The following KIAA1614 variants were observed in gnomAD, a reference collection of about 807,000 sequenced individuals.
KIAA1614 encodes uncharacterized protein KIAA1614.
Under a neutral mutation model 88.7 loss-of-function variants are expected in KIAA1614, and 76 were observed. That is an observed-to-expected ratio of 0.86 (90% CI 0.71 to 1.04). The LOEUF is 1.04. Ranked by LOEUF, KIAA1614 falls within the 50% of genes least tolerant of loss-of-function variation. The probability of loss-of-function intolerance (pLI) is 0.00; values close to 1 mark genes in which losing one functional copy is unlikely to be tolerated. For synonymous variants in KIAA1614, 714 were observed against 675.5 expected, an observed-to-expected ratio of 1.06 and a Z score of -0.88; for missense variants, 1,553 against 1,582.5, an observed-to-expected ratio of 0.98 and a Z score of 0.32.
At chr1:180,927,776 G>T (rs55640700) in intron 3 of KIAA1614, among the ~76,000 whole-genome samples, 14,007 of 152,210 alleles carry the variant, frequency 0.092, 669 homozygotes, top group East Asian at 0.12. Context: ...ACCACTTGCT[G>T]GCTTGGTTTG....
chr1:180,932,821 C>T (rs1654228594), intron 4 of KIAA1614, among the ~76,000 whole-genome samples: 1 of 152,012 alleles, frequency 6.6e-6, no homozygotes. Context: ...CTCACCACAA[C>T]CTCTGCCTCC....
rs201792192 is a variant in KIAA1614 at position 180,936,482 on chromosome 1, C to T, written c.2573C>T (p.Pro858Leu). Residue 858 changes from proline to leucine, a missense_variant, in exon 5 of 9, where the codon CCC becomes CTC. Physicochemically the swap from Pro to Leu is moderately conservative, Grantham distance 98 (BLOSUM62 -3). Coordinates refer to ENST00000367588, the MANE Select transcript of KIAA1614 (RefSeq NM_020950.2). Reference sequence around the variant, plus strand: ...GCGGTTCTCAGGACCTGTGAGCTGCCCCCATCACAGACCCAGCCCAGCCGC... The same window carrying T: ...GCGGTTCTCAGGACCTGTGAGCTGCTCCCATCACAGACCCAGCCCAGCCGC... ...RSAVLRTCEL[P>L]PSQTQPSRPQ... 201 of 1,613,740 alleles carry T rather than the reference C, an allele frequency of 1.2e-4. No individual in the cohort carries two copies. The highest frequency in any genetic ancestry group is 1.6e-4 in the Non-Finnish European group (188 of 1,179,914).
At chr1:180,942,016 G>A (rs984095708) in intron 7 of KIAA1614, among the ~76,000 whole-genome samples, 11 of 151,890 alleles carry the variant, frequency 7.2e-5, no homozygotes, top group South Asian at 4.2e-4. Flanking sequence ...TCAGGGAGCC[G>A]CTCCCAATCC....
At chr1:180,923,033 A>G (rs897099332) in intron 3 of KIAA1614, among the ~76,000 whole-genome samples, 12 of 152,224 alleles carry the variant, frequency 7.9e-5, no homozygotes, top group Non-Finnish European at 8.8e-5. Context: ...CCCATTTCTT[A>G]TGAAGAATGT....
Position 180,935,218 on chromosome 1 carries a change from G to A in KIAA1614, c.1309G>A (p.Gly437Ser), listed in dbSNP as rs1248282298. ...CGATTCCTCCAGCGGAGAGTCCAGC[G>A]GTGGGCACAGGCCGAGGCGGGGCCC... is the stretch of plus-strand genomic sequence containing the variant. ...TSDSSSGESSGGHRPRRGPSP... is the reference protein window; with the variant it reads ...TSDSSSGESSSGHRPRRGPSP... The change falls in exon 5 of 9, where the codon GGT (glycine) becomes AGT (serine). Residue 437 changes from glycine (G) to serine (S), a missense_variant. Transcript: ENST00000367588. The surrounding 1 kb of genome is among the most constrained non-coding windows in gnomAD (Gnocchi z 6.1). The A allele has an allele frequency of 6.5e-7, 1 of 1,533,340 alleles. No individual in the cohort carries two copies. The highest frequency in any genetic ancestry group is 1.3e-5 in the South Asian group (1 of 79,906). 95.0% of individuals were successfully genotyped at this position (1,533,340 alleles called of 1,614,324 possible).
At chr1:180,941,006 G>GCCCCCCCC in intron 6 of KIAA1614, 39 bp from the exon 7 acceptor site, 1 of 908,444 alleles carries the variant, frequency 1.1e-6, no homozygotes. Context: ...CACCCTCCCG[G>GCCCCCCCC]CCCTCCCCCG....
At position 180,913,308 on chromosome 1, in the gene KIAA1614, G is replaced by A. The variant is rs990900507; in HGVS notation, c.50+15G>A. 21 of 1,243,430 alleles carry A rather than the reference G, an allele frequency of 1.7e-5. No individual in the cohort carries two copies. The highest frequency in any genetic ancestry group is 8.1e-6 in the Non-Finnish European group (8 of 987,282). The allele number at this position is 1,243,430 out of a possible 1,614,324, so 77.0% of individuals were successfully genotyped here. Reference sequence around the variant, plus strand: ...GGCAGCCCCCAGTGAGTATAGAGGAGGCAGCGCCGGGCCGGCCGGGCGGGG... The same window carrying A: ...GGCAGCCCCCAGTGAGTATAGAGGAAGCAGCGCCGGGCCGGCCGGGCGGGG... On this transcript the variant is annotated intron_variant, in intron 1 of 8. Coordinates refer to ENST00000367588, the MANE Select transcript of KIAA1614 (RefSeq NM_020950.2).
Position 180,935,793 on chromosome 1 carries a change from G to A in KIAA1614, c.1884G>A (p.Ala628=). ...ACTGCAGGACCGACAGTGAGGAGGC[G>A]GGGACCTCTCAGGCTGGCTGGGCGT... ...SDNCRTDSEE[A]GTSQAGWACG... Residue 628 remains alanine (A), a synonymous_variant, in exon 5 of 9, where the codon GCG becomes GCA. Transcript: ENST00000367588. The surrounding 1 kb of genome is among the most constrained non-coding windows in gnomAD (Gnocchi z 6.1). The A allele has an allele frequency of 6.2e-7, 1 of 1,613,838 alleles. No homozygotes were observed. The highest frequency in any genetic ancestry group is 1.3e-5 in the African/African-American group (1 of 75,052).
At chr1:180,915,166 C>G (rs190889532) in intron 1 of KIAA1614, among the ~76,000 whole-genome samples, 22 of 152,332 alleles carry the variant, frequency 1.4e-4, no homozygotes, top group Admixed American at 9.8e-4. Flanking sequence ...CACTTGCAGT[C>G]CCGCCTGGCA....
chr1:180,940,990 C>G, intron 6 of KIAA1614, 55 bp from the exon 7 acceptor site: 1 of 1,417,482 alleles, frequency 7.1e-7, no homozygotes, highest in Admixed American at 2.1e-5. Flanking sequence ...GTACAGTCTC[C>G]CTGGCCACCC....
Position 180,941,220 on chromosome 1 carries a change from T to C in KIAA1614, c.3094T>C (p.Leu1032=). 6.2e-7 allele frequency: 1 copy of C among 1,613,798 alleles called. No individual in the cohort carries two copies. Among genetic ancestry groups the C allele is most frequent in the Non-Finnish European group, 8.5e-7 (1 of 1,179,954 alleles). ...GTCCCGCAGCTACAGTGTGGAGCAG[T>C]TGCAGCCCGCCCCGCCTGGCCTGAC... is the stretch of plus-strand genomic sequence containing the variant. ...GKSRSYSVEQ[L]QPAPPGLTSQ... is the part of the protein sequence containing the mutation. The change falls in exon 7 of 9, where the codon TTG becomes CTG. Residue 1032 remains leucine, a synonymous_variant. Coordinates refer to ENST00000367588, the MANE Select transcript of KIAA1614 (RefSeq NM_020950.2).
intron 3 of KIAA1614, among the ~76,000 whole-genome samples, chr1:180,919,263 C>T (rs1471341511): frequency 6.6e-6 from 1 of 152,192 alleles, no homozygotes; most frequent in Non-Finnish European, 1.5e-5. Context: ...AGGGGGATGT[C>T]TGGCTCCTTC....
At position 180,936,018 on chromosome 1, in the gene KIAA1614, G is replaced by A; in HGVS notation, c.2109G>A (p.Leu703=). 3.1e-6 allele frequency: 5 copies of A among 1,614,046 alleles called. No individual in the cohort carries two copies. Among genetic ancestry groups the A allele is most frequent in the Non-Finnish European group, 4.2e-6 (5 of 1,179,912 alleles). The part of the protein sequence containing the change: ...RGHTPEGTLF[L]REDAKPPDLE... ...ACACGCCTGAAGGAACTCTATTTTT[G>A]AGAGAAGATGCCAAGCCTCCTGACC... is the stretch of plus-strand genomic sequence containing the variant. The change falls in exon 5 of 9, where the codon TTG becomes TTA. Residue 703 remains leucine (L), a synonymous_variant. Transcript: ENST00000367588.
In KIAA1614 at chr1:180,936,385, G is replaced by C; in HGVS notation, c.2476G>C (p.Ala826Pro). The change falls in exon 5 of 9, where the codon GCC becomes CCC. Residue 826 changes from alanine (A) to proline (P), a missense_variant. Ala to Pro is a conservative substitution (Grantham distance 27). Coordinates refer to ENST00000367588, the MANE Select transcript of KIAA1614 (RefSeq NM_020950.2). ...CTCGCCAGTGTCTCACAGGAAGGCAGCCCTGGCTGGACTGCTCAGGCTGGG... is the reference window on the plus strand; with the variant it reads ...CTCGCCAGTGTCTCACAGGAAGGCACCCCTGGCTGGACTGCTCAGGCTGGG... Reference protein sequence around the residue: ...TTSPVSHRKAALAGLLRLGDQ... With the variant: ...TTSPVSHRKAPLAGLLRLGDQ... The C allele has an allele frequency of 6.2e-7, 1 of 1,614,226 alleles. No individual in the cohort carries two copies. Among genetic ancestry groups the C allele is most frequent in the South Asian group, 1.1e-5 (1 of 91,084 alleles).
rs1324349327 is a variant in KIAA1614 at position 180,950,823 on chromosome 1, G to T, written c.*5235G>T. ...CATCTACTTGTACCTTTGTTGGCAG[G>T]GGGAGAAGGGAGATTCAGTGGATCC... is the stretch of plus-strand genomic sequence containing the variant. On this transcript the variant is annotated 3_prime_UTR_variant, in exon 9 of 9. Coordinates refer to ENST00000367588, the MANE Select transcript of KIAA1614 (RefSeq NM_020950.2). 6.6e-6 allele frequency: 1 copy of T among 152,516 alleles called. No homozygotes were observed. The highest frequency in any genetic ancestry group is 1.9e-4 in the East Asian group (1 of 5,198). 9.4% of individuals were successfully genotyped at this position (152,516 alleles called of 1,614,324 possible).
Position 180,916,338 on chromosome 1 carries a change from G to C in KIAA1614, c.235G>C (p.Gly79Arg), listed in dbSNP as rs1244294419. The C allele has an allele frequency of 6.2e-7, 1 of 1,614,124 alleles. No individual in the cohort carries two copies. The change falls in exon 2 of 9, where the codon GGC becomes CGC. Residue 79 changes from glycine to arginine, a missense_variant. Transcript: ENST00000367588. ...CAGGGTATGGGGAGTACAGCTCCAG[G>C]GCCCCTCTGTGCTGGAATCCAAGGT... ...PPRVWGVQLQ[G>R]PSVLESKVRA...
rs1654611419 is a variant in KIAA1614 at position 180,946,988 on chromosome 1, GAAAC to G, written c.*1402_*1405del. 1.3e-5 allele frequency: 2 copies of G among 152,292 alleles called. No homozygotes were observed. The highest frequency in any genetic ancestry group is 2.9e-5 in the Non-Finnish European group (2 of 68,078). The allele number at this position is 152,292 out of a possible 1,614,324, so 9.4% of individuals were successfully genotyped here. On this transcript the variant is annotated 3_prime_UTR_variant, in exon 9 of 9. Transcript: ENST00000367588. ...TCAGATGGTGAAAAGAAAGTTCTGA[GAAAC>G]AGACAGATAAAGCAGGTGTGGCAGG...
intron 6 of KIAA1614, among the ~76,000 whole-genome samples, chr1:180,940,211 T>C (rs569808370): frequency 6.6e-5 from 10 of 152,284 alleles, no homozygotes; most frequent in African/African-American, 2.4e-4. Context: ...TAAGAAGTAT[T>C]GAATGAATGG....
intron 3 of KIAA1614, among the ~76,000 whole-genome samples, chr1:180,922,595 G>A (rs1351316370): frequency 3.3e-5 from 5 of 152,188 alleles, no homozygotes; most frequent in Non-Finnish European, 5.9e-5. Flanking sequence ...GCCCTCAGCT[G>A]TGAGAAAAAT....
Sources: allele counts gnomAD v4.1 joint callset (sites outside exome capture counted in the v4.1 genomes callset), GRCh38; gene constraint gnomAD v4.1.1; non-coding constraint Gnocchi (gnomAD v3.1); transcripts MANE v1.5; gene names NCBI Gene and HGNC (gene_info 2026-07-23, HGNC 2026-07-21).